Variants in PTPRT observed in about 807,000 individuals in gnomAD.
PTPRT encodes the protein receptor-type tyrosine-protein phosphatase T.
Under a neutral mutation model 176.8 loss-of-function variants are expected in PTPRT, and 56 were observed. That is an observed-to-expected ratio of 0.32 (90% CI 0.26 to 0.40). The LOEUF (loss-of-function observed/expected upper bound fraction) is 0.40, where lower values mean the gene tolerates loss of function less well. Among genes scored for constraint, PTPRT ranks in the 10% least tolerant of loss-of-function variants. The pLI is 1.00. For synonymous variants in PTPRT, 783 were observed against 739.0 expected, an observed-to-expected ratio of 1.06 and a Z score of -0.96; for missense variants, 1,540 against 1,908.2, an observed-to-expected ratio of 0.81 and a Z score of 3.60.
At chr20:42,682,931 G>A (rs1234938890) in intron 6 of PTPRT, among the ~76,000 whole-genome samples, 1 of 152,226 alleles carries the variant, frequency 6.6e-6, no homozygotes, top group Non-Finnish European at 1.5e-5. Flanking sequence ...AGCTGGAGAT[G>A]GAGCTGTGCG....
intron 7 of PTPRT, among the ~76,000 whole-genome samples, chr20:42,529,530 C>T (rs533052973): frequency 2.0e-5 from 3 of 152,136 alleles, no homozygotes; most frequent in African/African-American, 7.2e-5. Flanking sequence ...TCTGCTGCCC[C>T]GGCTGGAGTA....
chr20:42,341,956 CA>C (rs746186532), intron 11 of PTPRT, among the ~76,000 whole-genome samples: 1 of 152,174 alleles, frequency 6.6e-6, no homozygotes, highest in East Asian at 1.9e-4. Context: ...ACACCAGAGC[CA>C]ATTCTTGGTA....
At chr20:42,641,719 A>G (rs1702410688) in intron 7 of PTPRT, among the ~76,000 whole-genome samples, 1 of 152,154 alleles carries the variant, frequency 6.6e-6, no homozygotes, top group African/African-American at 2.4e-5. Flanking sequence ...AAAAGAACCT[A>G]AGCAGTTGGA....
intron 6 of PTPRT, among the ~76,000 whole-genome samples, chr20:42,716,978 T>G (rs1218460395): frequency 6.6e-6 from 1 of 151,088 alleles, no homozygotes; most frequent in Non-Finnish European, 1.5e-5. Context: ...TAGGTGGGAA[T>G]TGAACAATAA....
chr20:43,090,346 C>A (rs2011778420), intron 1 of PTPRT, among the ~76,000 whole-genome samples: 1 of 151,624 alleles, frequency 6.6e-6, no homozygotes, highest in African/African-American at 2.4e-5. Context: ...CAGCTCACTG[C>A]AAGCTCCGCC....
chr20:43,094,128 G>A (rs1468238060), intron 1 of PTPRT, among the ~76,000 whole-genome samples: 11 of 136,294 alleles, frequency 8.1e-5, no homozygotes, highest in Admixed American at 6.4e-4. Flanking sequence ...TTGCCCTGTC[G>A]CTAAGCAGGA....
intron 1 of PTPRT, among the ~76,000 whole-genome samples, chr20:43,054,382 C>T (rs1352806983): frequency 6.6e-6 from 1 of 152,008 alleles, no homozygotes; most frequent in Non-Finnish European, 1.5e-5. Context: ...GGCGAAACTT[C>T]GTCTCTACAA....
intron 1 of PTPRT, among the ~76,000 whole-genome samples, chr20:42,992,001 AC>A (rs1983936635): frequency 6.6e-6 from 1 of 152,170 alleles, no homozygotes; most frequent in Non-Finnish European, 1.5e-5. Context: ...GAGAATAGAA[AC>A]AAAATTCTTG....
chr20:42,083,069 A>C (rs1983501187), intron 29 of PTPRT, among the ~76,000 whole-genome samples: 1 of 136,014 alleles, frequency 7.4e-6, no homozygotes, highest in African/African-American at 2.8e-5. Context: ...TTTGGCTCAA[A>C]CTACTGGCCA....
At chr20:43,188,443 C>T (rs1464589739) in intron 1 of PTPRT, among the ~76,000 whole-genome samples, 1 of 152,192 alleles carries the variant, frequency 6.6e-6, no homozygotes, top group Non-Finnish European at 1.5e-5. Flanking sequence ...GTCCTTCCAG[C>T]GGCCCTTAAC....
intron 2 of PTPRT, among the ~76,000 whole-genome samples, chr20:42,828,554 C>G (rs970373891): frequency 3.3e-5 from 5 of 152,106 alleles, no homozygotes; most frequent in Admixed American, 6.5e-5. Flanking sequence ...AGCCCCTCCC[C>G]CAGAGGACTA....
intron 1 of PTPRT, among the ~76,000 whole-genome samples, chr20:43,031,805 C>T (rs1263011650): frequency 6.6e-6 from 1 of 152,152 alleles, no homozygotes. Flanking sequence ...AGAGGAAGAC[C>T]TCCAATGCCC....
Position 42,388,408 on chromosome 20 carries a change from A to T in PTPRT, c.1561-36123T>A, listed in dbSNP as rs926681830. Reference sequence around the variant, plus strand: ...AAGCGCTAATATCCAGAATCTACAAAGCACTTAAACAAATTTACAAGAAAA... The same window carrying T: ...AAGCGCTAATATCCAGAATCTACAATGCACTTAAACAAATTTACAAGAAAA... On this transcript the variant is annotated intron_variant, in intron 9 of 30. Coordinates refer to ENST00000373187, the MANE Select transcript of PTPRT (RefSeq NM_007050.6). 3.3e-5 allele frequency among the ~76,000 whole-genome samples: 5 copies of T among 152,304 alleles called. No homozygotes were observed. In the South Asian group the frequency reaches 8.3e-4, roughly 25 times the overall value.
At chr20:42,085,940 T>C in intron 27 of PTPRT, 87 bp from the exon 28 acceptor site, 1 of 1,421,324 alleles carries the variant, frequency 7.0e-7, no homozygotes, top group Non-Finnish European at 9.5e-7. Flanking sequence ...TTTCTTTTCT[T>C]TTTTTCTTTT....
chr20:42,061,621 T>C, the PTPRT span, among the ~76,000 whole-genome samples: 1 of 152,340 alleles, frequency 6.6e-6, no homozygotes, highest in East Asian at 1.9e-4. Flanking sequence ...AACAACCTCA[T>C]AAAAAGTCGT....
chr20:42,565,261 G>A (rs1452287728), intron 7 of PTPRT, among the ~76,000 whole-genome samples: 3 of 152,124 alleles, frequency 2.0e-5, no homozygotes, highest in Non-Finnish European at 2.9e-5. Flanking sequence ...CAAACCCCAC[G>A]TTGCTGTGTG....
intron 12 of PTPRT, among the ~76,000 whole-genome samples, chr20:42,287,863 T>TA (rs1218837619): frequency 6.6e-6 from 1 of 151,672 alleles, no homozygotes; most frequent in Non-Finnish European, 1.5e-5. Flanking sequence ...GTTAAAAACA[T>TA]AAAAAGAAAA....
rs2072568535 is a variant in PTPRT at position 42,540,951 on chromosome 20, G to A, written c.1154-68389C>T. On this transcript the variant is annotated intron_variant, in intron 7 of 30. Coordinates refer to ENST00000373187, the MANE Select transcript of PTPRT (RefSeq NM_007050.6). Reference sequence around the variant, plus strand: ...ACCATTAATAGATAATGGTACAGTGGAAAAGTCACAAGTACCAATAAAGGT... The same window carrying A: ...ACCATTAATAGATAATGGTACAGTGAAAAAGTCACAAGTACCAATAAAGGT... Among the ~76,000 whole-genome samples, 4 of 152,198 alleles carry A rather than the reference G, an allele frequency of 2.6e-5. No homozygotes were observed. The South Asian group carries it at 8.3e-4, about 32-fold the overall frequency.
intron 1 of PTPRT, among the ~76,000 whole-genome samples, chr20:42,917,176 A>C (rs1474390689): frequency 6.6e-6 from 1 of 152,168 alleles, no homozygotes; most frequent in Non-Finnish European, 1.5e-5. Context: ...AGCTTTCTAC[A>C]TATGGCTAGC....
Sources: allele counts gnomAD v4.1 joint callset (sites outside exome capture counted in the v4.1 genomes callset), GRCh38; gene constraint gnomAD v4.1.1; transcripts MANE v1.5; gene names NCBI Gene and HGNC (gene_info 2026-07-23, HGNC 2026-07-21).